The following SEMA3E variants were observed in gnomAD, a reference collection of about 807,000 sequenced individuals.
The protein encoded by SEMA3E is semaphorin 3E, also known as semaphorin-3E.
SEMA3E carries 49 observed loss-of-function variants against 93.6 expected under a neutral mutation model. The observed-to-expected ratio is 0.52, with a 90% CI of 0.42 to 0.66. The LOEUF is 0.66. SEMA3E is among the 30% of genes least tolerant of loss of function. The pLI, the probability that SEMA3E is intolerant of heterozygous loss-of-function variation, is 0.00. For synonymous variants in SEMA3E, 363 were observed against 330.7 expected, an observed-to-expected ratio of 1.10 and a Z score of -1.06; for missense variants, 906 against 964.8, an observed-to-expected ratio of 0.94 and a Z score of 0.81.
At chr7:83,607,157 A>G (rs1343795881) in intron 1 of SEMA3E, among the ~76,000 whole-genome samples, 1 of 152,210 alleles carries the variant, frequency 6.6e-6, no homozygotes, top group African/African-American at 2.4e-5. Flanking sequence ...CCTAGTGTGA[A>G]ATGACCTAAA....
rs532110424 is a variant in SEMA3E at position 83,482,181 on chromosome 7, G to A, written c.276+7933C>T. On this transcript the variant is annotated intron_variant, in intron 2 of 16. Transcript: ENST00000643230. ...GGGTAGGTGGTGGATAGGTGGCTTGGGATGTAAGGGTAAGAAGAAGGGAGA... is the reference window on the plus strand; with the variant it reads ...GGGTAGGTGGTGGATAGGTGGCTTGAGATGTAAGGGTAAGAAGAAGGGAGA... 4.6e-5 allele frequency among the ~76,000 whole-genome samples: 7 copies of A among 152,178 alleles called. No homozygotes were observed. In the South Asian group the frequency reaches 1.5e-3, roughly 32 times the overall value.
chr7:83,420,511 AAACAACAAC>A (rs893590857), intron 4 of SEMA3E, among the ~76,000 whole-genome samples: 1 of 152,150 alleles, frequency 6.6e-6, no homozygotes, highest in Non-Finnish European at 1.5e-5. Flanking sequence ...AATGCTAAGC[AAACAACAAC>A]AACAACAAAA....
chr7:83,554,676 T>C (rs1057183978), intron 1 of SEMA3E, among the ~76,000 whole-genome samples: 1 of 152,144 alleles, frequency 6.6e-6, no homozygotes, highest in Non-Finnish European at 1.5e-5. Flanking sequence ...TTACTAACAC[T>C]TTAAAGACAT....
chr7:83,464,092 A>AG (rs1286313271), intron 4 of SEMA3E, among the ~76,000 whole-genome samples: 2 of 152,108 alleles, frequency 1.3e-5, no homozygotes, highest in Admixed American at 6.5e-5. Context: ...TAGTCAAATC[A>AG]GCCAAGCAGT....
chr7:83,536,555 T>C (rs950275360), intron 1 of SEMA3E, among the ~76,000 whole-genome samples: 1 of 151,922 alleles, frequency 6.6e-6, no homozygotes, highest in African/African-American at 2.4e-5. Flanking sequence ...AATAAAAGAA[T>C]CAAGCCTACA....
intron 1 of SEMA3E, among the ~76,000 whole-genome samples, chr7:83,569,058 T>C (rs1792220697): frequency 6.6e-6 from 1 of 152,006 alleles, no homozygotes; most frequent in Non-Finnish European, 1.5e-5. Flanking sequence ...TAACAAACTA[T>C]TATTAAAGTA....
chr7:83,489,517 TTATG>T (rs562010891), intron 2 of SEMA3E, among the ~76,000 whole-genome samples: 110 of 152,080 alleles, frequency 7.2e-4, no homozygotes, highest in Non-Finnish European at 1.2e-3. Context: ...TTCTAAATAT[TTATG>T]TATGTTTTGT....
chr7:83,571,989 T>C (rs563674807), intron 1 of SEMA3E, among the ~76,000 whole-genome samples: 1 of 151,798 alleles, frequency 6.6e-6, no homozygotes, highest in East Asian at 1.9e-4. Context: ...ACAAAAAAAA[T>C]GAAATACTTA....
At chr7:83,523,456 G>T (rs527545757) in intron 1 of SEMA3E, among the ~76,000 whole-genome samples, 2 of 152,190 alleles carry the variant, frequency 1.3e-5, no homozygotes, top group Middle Eastern at 3.4e-3. Context: ...TGGTTTTTCA[G>T]TCTCACCAAT....
intron 1 of SEMA3E, among the ~76,000 whole-genome samples, chr7:83,513,418 T>C (rs1311771335): frequency 6.6e-6 from 1 of 152,196 alleles, no homozygotes; most frequent in African/African-American, 2.4e-5. Flanking sequence ...ATGTTTTAAG[T>C]TAGAAACAAC....
rs907740783 is a variant in SEMA3E, at chr7:83,392,810, C to T, written c.1501-89G>A. ...TAGTTTTCACATTTATACACAATCA[C>T]CTCAGAAAAAATTCACTTAAATTTA... is the stretch of plus-strand genomic sequence containing the variant. On this transcript the variant is annotated intron_variant, in intron 13 of 16. Coordinates refer to ENST00000643230, the MANE Select transcript of SEMA3E (RefSeq NM_012431.3). The T allele has an allele frequency of 3.1e-5, 38 of 1,244,760 alleles. 2 individuals are homozygous for T. The South Asian group carries it at 4.7e-4, about 15-fold the overall frequency. The allele number at this position is 1,244,760 out of a possible 1,614,324, so 77.1% of individuals were successfully genotyped here.
At chr7:83,405,900 G>A (rs373660317) in intron 8 of SEMA3E, 45 bp downstream of exon 8, 93 of 1,304,756 alleles carry the variant, frequency 7.1e-5, no homozygotes, top group Non-Finnish European at 9.2e-5. Flanking sequence ...TTATAAAGAA[G>A]CATATACATA....
chr7:83,388,049 G>A (rs1171673486), intron 14 of SEMA3E, among the ~76,000 whole-genome samples: 1 of 147,932 alleles, frequency 6.8e-6, no homozygotes, highest in Non-Finnish European at 1.5e-5. Context: ...GGTGGCTCAC[G>A]CCTGTAATCC....
intron 1 of SEMA3E, among the ~76,000 whole-genome samples, chr7:83,517,947 C>A (rs144488212): frequency 1.7e-3 from 253 of 152,192 alleles, no homozygotes; most frequent in African/African-American, 5.8e-3. Context: ...GGTTTGGGGC[C>A]TCTGGGTGAG....
chr7:83,455,235 T>C (rs1373833631), intron 4 of SEMA3E, among the ~76,000 whole-genome samples: 1 of 152,238 alleles, frequency 6.6e-6, no homozygotes, highest in Admixed American at 6.5e-5. Flanking sequence ...TGTTAAAATA[T>C]GGCAGCAGTC....
At chr7:83,393,379 C>T (rs1788057579) in intron 13 of SEMA3E, among the ~76,000 whole-genome samples, 1 of 151,934 alleles carries the variant, frequency 6.6e-6, no homozygotes, top group Non-Finnish European at 1.5e-5. Context: ...ACAAAAAATA[C>T]AAAAATTAGC....
At chr7:83,437,659 G>T (rs1038255143) in intron 4 of SEMA3E, among the ~76,000 whole-genome samples, 9 of 152,030 alleles carry the variant, frequency 5.9e-5, no homozygotes, top group African/African-American at 2.2e-4. Context: ...TATATGAAAT[G>T]GAAATTAAAA....
rs200162096 is a variant in SEMA3E, at chr7:83,400,250, A to G, written c.1144T>C (p.Cys382Arg). 26 of 1,613,628 alleles carry G rather than the reference A, an allele frequency of 1.6e-5. No homozygotes were observed. Among genetic ancestry groups the G allele is most frequent in the Non-Finnish European group, 2.2e-5 (26 of 1,179,672 alleles). ...GKVPYPRPGS[C>R]ASKVNGGRYG... The stretch of plus-strand genomic sequence containing the variant: ...CTCCCTCCATTTACTTTGCTGGCAC[A>G]CTGAAAAACAAGTGGATCAGATAAT... The change falls in exon 11 of 17, where the codon TGT becomes CGT. Residue 382 changes from cysteine (C) to arginine (R), a missense_variant and splice_region_variant. Transcript: ENST00000643230.
intron 11 of SEMA3E, among the ~76,000 whole-genome samples, chr7:83,397,703 T>C (rs1788152825): frequency 6.6e-6 from 1 of 152,160 alleles, no homozygotes; most frequent in Non-Finnish European, 1.5e-5. Flanking sequence ...CCTATACAAA[T>C]AATTTAGTAT....
Sources: gnomAD v4.1 joint callset for allele counts (sites outside exome capture counted in the v4.1 genomes callset) on GRCh38, gnomAD v4.1.1 for gene constraint, MANE v1.5 for transcripts, NCBI Gene and HGNC (gene_info 2026-07-23, HGNC 2026-07-21) for gene names.